Variants in EHBP1 observed in about 807,000 individuals in gnomAD.
EHBP1 encodes the protein EH domain-binding protein 1.
A neutral mutation model predicts 144.0 loss-of-function variants in EHBP1; 55 were observed. The observed-to-expected ratio is 0.38, with a 90% CI of 0.31 to 0.48. EHBP1 has a LOEUF of 0.48. Ranked by LOEUF, EHBP1 falls within the 20% of genes least tolerant of loss-of-function variation. The pLI is 0.98. For synonymous variants in EHBP1, 469 were observed against 472.7 expected, an observed-to-expected ratio of 0.99 and a Z score of 0.10; for missense variants, 1,200 against 1,364.2, an observed-to-expected ratio of 0.88 and a Z score of 1.90.
intron 5 of EHBP1, among the ~76,000 whole-genome samples, chr2:62,784,622 C>A (rs1427998175): frequency 6.6e-6 from 1 of 152,142 alleles, no homozygotes; most frequent in Non-Finnish European, 1.5e-5. Flanking sequence ...TTTAAAAGTT[C>A]ACTCACCAGA....
At chr2:62,911,566 A>T (rs1257287339) in intron 10 of EHBP1, among the ~76,000 whole-genome samples, 1 of 152,028 alleles carries the variant, frequency 6.6e-6, no homozygotes, top group East Asian at 1.9e-4. Flanking sequence ...GGTTCAAGTG[A>T]TTCTCCTGCC....
chr2:62,696,508 C>CTTTTTTTTTTTTTTTTTTTTTTT (rs869081763), intron 1 of EHBP1, among the ~76,000 whole-genome samples: 9 of 76,750 alleles, frequency 1.2e-4, no homozygotes, highest in East Asian at 4.0e-4. Context: ...TTTTTTTCTT[C>CTTTTTTTTTTTTTTTTTTTTTTT]TTTTTTTTTT....
Position 62,774,799 on chromosome 2 carries a change from C to T in EHBP1, c.312+3407C>T, listed in dbSNP as rs540429123. Among the ~76,000 whole-genome samples the T allele has an allele frequency of 1.9e-4, 29 of 152,176 alleles. No individual in the cohort carries two copies. In the South Asian group the frequency reaches 2.1e-3, roughly 11 times the overall value. On this transcript the variant is annotated intron_variant, in intron 5 of 22. Coordinates refer to ENST00000431489, the MANE Select transcript of EHBP1 (RefSeq NM_001142616.3). The stretch of plus-strand genomic sequence containing the variant: ...GGTCAAGGCTGCAGTGAGCTGTGAT[C>T]GTGACACTGCACTCCAGCCTGGATG...
intron 5 of EHBP1, among the ~76,000 whole-genome samples, chr2:62,814,305 G>A (rs949864613): frequency 6.6e-6 from 1 of 152,174 alleles, no homozygotes. Flanking sequence ...TTGTCCTTTG[G>A]CATTCTGCCA....
chr2:62,722,797 G>A (rs1036168261), intron 2 of EHBP1, among the ~76,000 whole-genome samples: 3 of 152,154 alleles, frequency 2.0e-5, no homozygotes, highest in African/African-American at 7.2e-5. Context: ...ATACTTTGCA[G>A]TAATACCAAA....
chr2:62,903,150 A>G (rs2053543851), intron 10 of EHBP1, among the ~76,000 whole-genome samples: 1 of 152,186 alleles, frequency 6.6e-6, no homozygotes, highest in Non-Finnish European at 1.5e-5. Context: ...AAAGTTCTTT[A>G]GAGGGTTTAG....
intron 19 of EHBP1, among the ~76,000 whole-genome samples, chr2:63,001,645 A>G (rs1157023689): frequency 2.0e-5 from 3 of 152,204 alleles, no homozygotes; most frequent in East Asian, 1.9e-4. Context: ...GATAGGGTCT[A>G]GTAATAATTG....
rs146852482 is a variant in EHBP1 at position 62,894,661 on chromosome 2, T to C, written c.1185+20129T>C. Among the ~76,000 whole-genome samples, 72 of 152,276 alleles carry C rather than the reference T, an allele frequency of 4.7e-4. 1 individual carries two copies. Among genetic ancestry groups the C allele is most frequent in the African/African-American group, 1.5e-3 (64 of 41,548 alleles). ...AAATGGAATCAAGTTGTGAATATTT[T>C]ATATATGATTGCTAAGAAATTTGGA... On this transcript the variant is annotated intron_variant, in intron 10 of 22. Coordinates refer to ENST00000431489, the MANE Select transcript of EHBP1 (RefSeq NM_001142616.3).
At chr2:62,782,636 G>A (rs888012116) in intron 5 of EHBP1, among the ~76,000 whole-genome samples, 5 of 152,130 alleles carry the variant, frequency 3.3e-5, no homozygotes, top group African/African-American at 9.7e-5. Flanking sequence ...AGCAAAGGGG[G>A]TAAGCCCCTT....
chr2:62,682,105 C>T lies in EHBP1; in HGVS notation c.-296+8022C>T, dbSNP rs796969637. On this transcript the variant is annotated intron_variant, in intron 1 of 22. Transcript: ENST00000405015. ...GGACAGAGACCTCAATCCCTGGAGA[C>T]ATTTTGACATTCAGAAGGAGGCTGG... Among the ~76,000 whole-genome samples, 3 of 152,320 alleles carry T rather than the reference C, an allele frequency of 2.0e-5. 1 individual carries two copies. The highest frequency in any genetic ancestry group is 4.8e-5 in the African/African-American group (2 of 41,582).
chr2:62,765,114 G>C (rs1260964369), intron 4 of EHBP1, among the ~76,000 whole-genome samples: 3 of 151,988 alleles, frequency 2.0e-5, no homozygotes, highest in Non-Finnish European at 4.4e-5. Context: ...TATAAAAAAA[G>C]GCTTAATTGA....
chr2:62,948,827 G>T lies in EHBP1; in HGVS notation c.1981G>T (p.Glu661Ter). The stretch of plus-strand genomic sequence containing the variant: ...GAGACTATTGAAAGCTGAGACTTTA[G>T]AATTGAGTGACTTATATGTTAGTGA... Reference protein sequence around the residue: ...KKRLLKAETLELSDLYVSDKK... With the variant: ...KKRLLKAETL Residue 661 changes from glutamate (E) to a stop codon, truncating the protein, a stop_gained, in exon 13 of 23, where the codon GAA becomes TAA. Transcript: ENST00000431489. LOFTEE classifies it high-confidence loss of function. 6.2e-7 allele frequency: 1 copy of T among 1,614,122 alleles called. No individual in the cohort carries two copies. The highest frequency in any genetic ancestry group is 8.5e-7 in the Non-Finnish European group (1 of 1,180,008).
At chr2:62,902,560 AG>A (rs2053499127) in intron 10 of EHBP1, among the ~76,000 whole-genome samples, 1 of 152,174 alleles carries the variant, frequency 6.6e-6, no homozygotes, top group Admixed American at 6.6e-5. Context: ...GGATGGCTAA[AG>A]GGGTATCGTT....
intron 15 of EHBP1, among the ~76,000 whole-genome samples, chr2:62,981,272 G>A (rs1012631349): frequency 4.0e-5 from 6 of 151,812 alleles, no homozygotes; most frequent in South Asian, 2.1e-4. Context: ...TTCTTTTATC[G>A]TAAAAATCTT....
At chr2:62,703,098 G>A (rs1470876669), upstream of EHBP1, among the ~76,000 whole-genome samples, 1 of 152,158 alleles carries the variant, frequency 6.6e-6, no homozygotes, top group African/African-American at 2.4e-5. Context: ...GAAGGCTGAG[G>A]CAGGCAGATC....
At chr2:62,820,016 G>T (rs1200064116) in intron 5 of EHBP1, among the ~76,000 whole-genome samples, 1 of 151,782 alleles carries the variant, frequency 6.6e-6, no homozygotes, top group South Asian at 2.1e-4. Flanking sequence ...TTTGAGACCA[G>T]CCTGGCCAAC....
At chr2:62,715,732 A>C (rs527318409) in intron 2 of EHBP1, among the ~76,000 whole-genome samples, 1 of 152,188 alleles carries the variant, frequency 6.6e-6, no homozygotes, top group African/African-American at 2.4e-5. Context: ...AATGAGATCA[A>C]CAACTGGGGG....
chr2:62,821,206 T>G (rs2045958145), intron 5 of EHBP1, among the ~76,000 whole-genome samples: 1 of 152,094 alleles, frequency 6.6e-6, no homozygotes, highest in Non-Finnish European at 1.5e-5. Flanking sequence ...AGGATTACAT[T>G]TCTATCATGT....
chr2:62,986,302 C>G (rs932871133), intron 15 of EHBP1, among the ~76,000 whole-genome samples: 2 of 152,180 alleles, frequency 1.3e-5, no homozygotes, highest in Non-Finnish European at 2.9e-5. Flanking sequence ...GAAAAGATCT[C>G]ACAGGTGATT....
Sources: allele counts gnomAD v4.1 joint callset (sites outside exome capture counted in the v4.1 genomes callset), GRCh38; gene constraint gnomAD v4.1.1; transcripts MANE v1.5; gene names NCBI Gene and HGNC (gene_info 2026-07-23, HGNC 2026-07-21).